The following DPH6 variants were observed in gnomAD, a reference collection of about 807,000 sequenced individuals.
The protein encoded by DPH6 is diphthine--ammonia ligase.
Under a neutral mutation model 38.2 loss-of-function variants are expected in DPH6, and 33 were observed. The observed-to-expected ratio is 0.86, with a 90% CI of 0.65 to 1.15. DPH6 has a LOEUF of 1.15. Among genes scored for constraint, DPH6 ranks in the 50% most tolerant of loss-of-function variants. The probability of loss-of-function intolerance (pLI) is 0.00; values close to 1 mark genes in which losing one functional copy is unlikely to be tolerated. For synonymous variants in DPH6, 108 were observed against 103.0 expected (o/e 1.05, Z -0.30); for missense variants, 325 against 320.0 (o/e 1.02, Z -0.12).
intron 3 of DPH6, among the ~76,000 whole-genome samples, chr15:35,242,065 C>T (rs1255342761): frequency 2.1e-5 from 3 of 144,630 alleles, no homozygotes; most frequent in Admixed American, 7.4e-5. Context: ...GTCATCCCAG[C>T]CTCTCTTCGC....
chr15:35,172,161 C>T, the DPH6 span, among the ~76,000 whole-genome samples: 11,014 of 152,264 alleles, frequency 0.072, 576 homozygotes, highest in East Asian at 0.3. Flanking sequence ...CCACCACGCC[C>T]AGCCTAATAT....
the DPH6 span, among the ~76,000 whole-genome samples, chr15:35,163,456 A>T: frequency 6.6e-6 from 1 of 151,906 alleles, no homozygotes; most frequent in African/African-American, 2.4e-5. Context: ...ATATGTTTAA[A>T]ATATTAATCT....
chr15:35,270,519 G>A (rs2051815971), intron 3 of DPH6, among the ~76,000 whole-genome samples: 1 of 152,160 alleles, frequency 6.6e-6, no homozygotes, highest in African/African-American at 2.4e-5. Flanking sequence ...GTAGTAATCT[G>A]ATAATGCAGT....
At chr15:35,147,211 G>A in the DPH6 span, among the ~76,000 whole-genome samples, 1 of 152,110 alleles carries the variant, frequency 6.6e-6, no homozygotes. Flanking sequence ...AGGAAATTGA[G>A]GAGCAGGGAG....
intron 3 of DPH6, among the ~76,000 whole-genome samples, chr15:35,331,874 A>G (rs888407067): frequency 6.6e-6 from 1 of 152,180 alleles, no homozygotes; most frequent in Non-Finnish European, 1.5e-5. Flanking sequence ...CTTCCCTGAC[A>G]CAAGAGCTGA....
chr15:35,495,026 C>T (rs1595415456), intron 3 of DPH6, among the ~76,000 whole-genome samples: 1 of 152,086 alleles, frequency 6.6e-6, no homozygotes, highest in East Asian at 1.9e-4. Context: ...AGCAAGGCCA[C>T]TGTATACAAG....
Position 35,468,795 on chromosome 15 carries a change from C to T in DPH6, c.313-13975G>A, listed in dbSNP as rs184318917. On this transcript the variant is annotated intron_variant, in intron 3 of 8. Coordinates refer to ENST00000256538, the MANE Select transcript of DPH6 (RefSeq NM_080650.4). ...TAAAAGGCCAGGCAGAGGCTGGGCG[C>T]GGTGGCTCATGCCAGTAATCCCAGC... Among the ~76,000 whole-genome samples the T allele has an allele frequency of 6.1e-4, 92 of 152,050 alleles. 1 individual carries two copies. The highest frequency in any genetic ancestry group is 1.4e-3 in the African/African-American group (60 of 41,462).
intron 3 of DPH6, among the ~76,000 whole-genome samples, chr15:35,363,266 A>G (rs1031239045): frequency 6.6e-6 from 1 of 152,210 alleles, no homozygotes; most frequent in Non-Finnish European, 1.5e-5. Flanking sequence ...CAAATTTGTC[A>G]TAAGGAAATC....
chr15:35,194,188 G>A, the DPH6 span, among the ~76,000 whole-genome samples: 1 of 151,918 alleles, frequency 6.6e-6, no homozygotes, highest in African/African-American at 2.4e-5. Flanking sequence ...TCCTCCTAAG[G>A]TTCCATATCT....
At chr15:35,301,942 C>T (rs887133535) in intron 3 of DPH6, among the ~76,000 whole-genome samples, 3 of 151,896 alleles carry the variant, frequency 2.0e-5, no homozygotes, top group Admixed American at 1.3e-4. Flanking sequence ...CCACTGCACT[C>T]GAGCCTGGGC....
At chr15:35,366,089 T>C, downstream of DPH6, 2 of 929,554 alleles carry the variant, frequency 2.2e-6, no homozygotes, top group African/African-American at 3.6e-5. Context: ...GGAAATATTT[T>C]GTAGGTTGTA....
the DPH6 span, among the ~76,000 whole-genome samples, chr15:35,175,550 A>T: frequency 6.6e-6 from 1 of 152,208 alleles, no homozygotes; most frequent in African/African-American, 2.4e-5. Flanking sequence ...CTCAAATTGC[A>T]GTTGCTTCAG....
chr15:35,352,431 T>C (rs2052522548), intron 3 of DPH6, among the ~76,000 whole-genome samples: 3 of 151,406 alleles, frequency 2.0e-5, no homozygotes, highest in African/African-American at 7.3e-5. Context: ...CCCTCCCCGC[T>C]ACCCCCACCC....
intron 3 of DPH6, chr15:35,489,646 A>G: frequency 1.0e-6 from 1 of 980,858 alleles, no homozygotes; most frequent in Non-Finnish European, 1.2e-6. Context: ...TTAAGTAAAA[A>G]AATACCCTAA....
At chr15:35,370,325 AAAG>A (rs1203030814), downstream of DPH6, among the ~76,000 whole-genome samples, 1 of 150,172 alleles carries the variant, frequency 6.7e-6, no homozygotes, top group Non-Finnish European at 1.5e-5. Context: ...TACTAGAAAA[AAAG>A]AATTGATAAG....
intron 6 of DPH6, among the ~76,000 whole-genome samples, chr15:35,386,610 T>C (rs1177164736): frequency 1.3e-5 from 2 of 152,230 alleles, no homozygotes; most frequent in African/African-American, 2.4e-5. Context: ...GATGAGCATT[T>C]TTTCATGTGT....
intron 3 of DPH6, among the ~76,000 whole-genome samples, chr15:35,457,825 T>C (rs561920288): frequency 6.6e-6 from 1 of 152,336 alleles, no homozygotes; most frequent in African/African-American, 2.4e-5. Flanking sequence ...TCTTCTTTCA[T>C]TATTATGATC....
At chr15:35,279,958 ATC>A (rs1383166779) in intron 3 of DPH6, among the ~76,000 whole-genome samples, 2 of 151,990 alleles carry the variant, frequency 1.3e-5, no homozygotes, top group African/African-American at 2.4e-5. Flanking sequence ...TGAGGGAGTA[ATC>A]TCTTTCCCCA....
At chr15:35,215,126 A>G (rs954103137), downstream of DPH6, among the ~76,000 whole-genome samples, 1 of 152,212 alleles carries the variant, frequency 6.6e-6, no homozygotes, top group Admixed American at 6.5e-5. Context: ...AAGAAGCATC[A>G]TGAGGGAAGA....
Sources: allele counts gnomAD v4.1 joint callset (sites outside exome capture counted in the v4.1 genomes callset), GRCh38; gene constraint gnomAD v4.1.1; transcripts MANE v1.5; gene names NCBI Gene and HGNC (gene_info 2026-07-23, HGNC 2026-07-21).